Variants in EPHB1 observed in about 807,000 individuals in gnomAD.
EPHB1 encodes the protein EPH receptor B1.
In EPHB1, 30 loss-of-function variants were observed where a neutral mutation model predicts 94.4. The ratio of observed to expected loss-of-function variants is 0.32; its 90% CI spans 0.24 to 0.43. The LOEUF (loss-of-function observed/expected upper bound fraction) is 0.43. Ranked by LOEUF, EPHB1 falls within the 20% of genes least tolerant of loss-of-function variation. EPHB1 has a pLI of 1.00. For synonymous variants in EPHB1, 522 were observed against 489.1 expected, an observed-to-expected ratio of 1.07 and a Z score of -0.89; for missense variants, 1,055 against 1,308.3, an observed-to-expected ratio of 0.81 and a Z score of 2.99.
chr3:135,163,910 C>A (rs1409457815), intron 7 of EPHB1, among the ~76,000 whole-genome samples: 1 of 152,040 alleles, frequency 6.6e-6, no homozygotes, highest in African/African-American at 2.4e-5. Context: ...GAAGGTTGAT[C>A]GATGATAGGG....
chr3:135,120,288 G>C (rs143900320), intron 4 of EPHB1, among the ~76,000 whole-genome samples: 2 of 152,278 alleles, frequency 1.3e-5, no homozygotes, highest in East Asian at 3.9e-4. Context: ...GTAAAGTTTT[G>C]TAGTCATCTT....
chr3:134,995,237 A>G (rs902052626), intron 3 of EPHB1, among the ~76,000 whole-genome samples: 1 of 152,178 alleles, frequency 6.6e-6, no homozygotes, highest in African/African-American at 2.4e-5. Flanking sequence ...ATGGTATGTT[A>G]CCTTCAGGGA....
At chr3:135,136,105 T>A (rs1374741318) in intron 5 of EPHB1, among the ~76,000 whole-genome samples, 1 of 152,234 alleles carries the variant, frequency 6.6e-6, no homozygotes, top group African/African-American at 2.4e-5. Context: ...TGCCTTGTGG[T>A]GTTCTGTCCT....
At chr3:134,807,828 C>T (rs1455527998) in intron 1 of EPHB1, among the ~76,000 whole-genome samples, 1 of 152,150 alleles carries the variant, frequency 6.6e-6, no homozygotes, top group African/African-American at 2.4e-5. Context: ...CCCCAAAGCT[C>T]TCAGAACCTA....
At chr3:134,814,286 G>A (rs2036227021) in intron 1 of EPHB1, among the ~76,000 whole-genome samples, 1 of 152,180 alleles carries the variant, frequency 6.6e-6, no homozygotes, top group South Asian at 2.1e-4. Context: ...TTTTGCTAGG[G>A]TATACTTATG....
intron 1 of EPHB1, among the ~76,000 whole-genome samples, chr3:134,853,850 A>G (rs2037047106): frequency 1.3e-5 from 2 of 152,324 alleles, no homozygotes; most frequent in African/African-American, 4.8e-5. Context: ...CAGGGGTTCC[A>G]TATAGGAGCA....
intron 3 of EPHB1, among the ~76,000 whole-genome samples, chr3:134,972,219 C>A (rs992722625): frequency 1.3e-5 from 2 of 151,930 alleles, no homozygotes; most frequent in African/African-American, 4.8e-5. Flanking sequence ...CTTCCTTCCC[C>A]TTCTTTTCCT....
intron 1 of EPHB1, among the ~76,000 whole-genome samples, chr3:134,889,813 G>A (rs528378308): frequency 2.0e-5 from 3 of 151,758 alleles, no homozygotes; most frequent in African/African-American, 7.2e-5. Context: ...GAGAAGCTGG[G>A]ACTACCGGTG....
In EPHB1 at chr3:135,230,332, C is replaced by T. The variant is rs1943502724; in HGVS notation, c.2347-10816C>T. On this transcript the variant is annotated intron_variant, in intron 12 of 15. Transcript: ENST00000398015. The stretch of plus-strand genomic sequence containing the variant: ...TTTTGTTTCAGCAGCAGGGCAAGTC[C>T]AGCCCTGCTTACTACATTCCTGATG... 2.6e-5 allele frequency among the ~76,000 whole-genome samples: 4 copies of T among 152,226 alleles called. No homozygotes were observed. The South Asian group carries it at 8.3e-4, about 32-fold the overall frequency.
At chr3:135,151,787 T>C (rs951895352) in intron 5 of EPHB1, among the ~76,000 whole-genome samples, 7 of 152,138 alleles carry the variant, frequency 4.6e-5, no homozygotes, top group African/African-American at 1.7e-4. Flanking sequence ...ACTAAACCAA[T>C]AGGCCAAATT....
chr3:135,043,899 C>T (rs1936923628), intron 3 of EPHB1, among the ~76,000 whole-genome samples: 1 of 152,176 alleles, frequency 6.6e-6, no homozygotes, highest in East Asian at 1.9e-4. Flanking sequence ...CCATGTTGGC[C>T]TCTCAGTGAT....
At chr3:135,171,865 A>C (rs1230251056) in intron 9 of EPHB1, among the ~76,000 whole-genome samples, 1 of 152,216 alleles carries the variant, frequency 6.6e-6, no homozygotes, top group Non-Finnish European at 1.5e-5. Context: ...TGAAGAAACA[A>C]AGCCTCAGAG....
At chr3:134,859,644 C>T (rs1179475933) in intron 1 of EPHB1, among the ~76,000 whole-genome samples, 1 of 152,218 alleles carries the variant, frequency 6.6e-6, no homozygotes, top group Non-Finnish European at 1.5e-5. Context: ...TGGCTTCTGT[C>T]CTCATGGAGC....
At chr3:134,903,332 C>T (rs1578183889) in intron 1 of EPHB1, among the ~76,000 whole-genome samples, 1 of 152,114 alleles carries the variant, frequency 6.6e-6, no homozygotes, top group East Asian at 1.9e-4. Flanking sequence ...AGGGTAGCTC[C>T]TACTGGTGCT....
intron 1 of EPHB1, among the ~76,000 whole-genome samples, chr3:134,882,670 T>A (rs970557611): frequency 2.0e-5 from 3 of 151,864 alleles, no homozygotes; most frequent in African/African-American, 7.3e-5. Context: ...CCTTCCTTCC[T>A]TCCTTCCTTC....
intron 1 of EPHB1, among the ~76,000 whole-genome samples, chr3:134,860,798 CAAAA>C (rs10666494): frequency 1.8e-4 from 17 of 93,722 alleles, no homozygotes; most frequent in Middle Eastern, 5.8e-3. Context: ...GGCCAGGTGA[CAAAA>C]AAAAAAAAAA....
At chr3:135,155,446 T>A (rs1166906616) in intron 6 of EPHB1, among the ~76,000 whole-genome samples, 1 of 152,024 alleles carries the variant, frequency 6.6e-6, no homozygotes, top group Non-Finnish European at 1.5e-5. Context: ...ACTGGAGTGA[T>A]GCAAGCAAAT....
intron 11 of EPHB1, among the ~76,000 whole-genome samples, chr3:135,193,982 A>C (rs565183040): frequency 1.3e-5 from 2 of 152,264 alleles, no homozygotes; most frequent in Admixed American, 1.3e-4. Context: ...TCTTTCATTC[A>C]TATATTAGGT....
At chr3:134,874,013 G>A (rs1424886498) in intron 1 of EPHB1, among the ~76,000 whole-genome samples, 1 of 152,142 alleles carries the variant, frequency 6.6e-6, no homozygotes, top group Non-Finnish European at 1.5e-5. Context: ...CTGCTTCCTT[G>A]GGTTGGTTCT....
Sources: allele counts gnomAD v4.1 joint callset (sites outside exome capture counted in the v4.1 genomes callset), GRCh38; gene constraint gnomAD v4.1.1; transcripts MANE v1.5; gene names NCBI Gene and HGNC (gene_info 2026-07-23, HGNC 2026-07-21).